KIF3A: variants seen among roughly 807,000 people sequenced by gnomAD.
KIF3A encodes the protein kinesin-like protein KIF3A.
KIF3A carries 27 observed loss-of-function variants against 92.6 expected under a neutral mutation model. That is an observed-to-expected ratio of 0.29 (90% CI 0.21 to 0.40). The LOEUF (loss-of-function observed/expected upper bound fraction) is 0.40, where lower values mean the gene tolerates loss of function less well. Among genes scored for constraint, KIF3A ranks in the 10% least tolerant of loss-of-function variants. The pLI is 1.00. For missense variants in KIF3A, 581 were observed against 872.6 expected, an observed-to-expected ratio of 0.67 and a Z score of 4.21; for synonymous variants, 250 against 275.4, an observed-to-expected ratio of 0.91 and a Z score of 0.92.
At chr5:132,718,398 C>T (rs372651005) in intron 5 of KIF3A, among the ~76,000 whole-genome samples, 313 of 152,268 alleles carry the variant, frequency 2.1e-3, no homozygotes, top group African/African-American at 7.1e-3. Context: ...CAACCTCCAC[C>T]TCCCAGGTTC....
intron 5 of KIF3A, among the ~76,000 whole-genome samples, 154 bp downstream of exon 5, chr5:132,720,455 C>A (rs2074529): frequency 0.58 from 88,611 of 151,934 alleles, 27,989 homozygotes; most frequent in Non-Finnish European, 0.73. Context: ...TTTCATTCAT[C>A]TATGCTCTCT....
chr5:132,700,389 G>T, intron 16 of KIF3A, 105 bp from the exon 17 acceptor site: 1 of 760,296 alleles, frequency 1.3e-6, no homozygotes, highest in Non-Finnish European at 2.2e-6. Flanking sequence ...AGTAAAACAT[G>T]ATTTGAATGC....
intron 2 of KIF3A, among the ~76,000 whole-genome samples, chr5:132,730,215 C>T (rs1021560747): frequency 2.6e-5 from 4 of 152,082 alleles, no homozygotes; most frequent in Non-Finnish European, 5.9e-5. Flanking sequence ...GCCTGTAATC[C>T]CAGCACTCCG....
chr5:132,698,020 T>G (rs1308990165), intron 18 of KIF3A: 1 of 152,238 alleles, frequency 6.6e-6, no homozygotes, highest in South Asian at 2.1e-4. Flanking sequence ...TGTGTTGGTA[T>G]AGGAAAGTTT....
intron 17 of KIF3A, 179 bp from the exon 18 acceptor site, chr5:132,699,474 G>GT (rs1752952866): frequency 1.5e-6 from 1 of 671,996 alleles, no homozygotes; most frequent in South Asian, 1.6e-5. Flanking sequence ...ATAAAGGTTG[G>GT]TGAGTAAGAA....
intron 18 of KIF3A, chr5:132,697,780 C>A (rs1364274234): frequency 6.6e-6 from 1 of 152,526 alleles, no homozygotes; most frequent in Admixed American, 6.5e-5. Context: ...AACAGAAGAT[C>A]CAGAAACAAT....
At chr5:132,715,712 G>T (rs1354578405) in intron 8 of KIF3A, 45 bp downstream of exon 8, 1 of 1,447,006 alleles carries the variant, frequency 6.9e-7, no homozygotes, top group Non-Finnish European at 9.6e-7. Flanking sequence ...GTTCAACAAT[G>T]TATTTTTAGC....
intron 4 of KIF3A, among the ~76,000 whole-genome samples, chr5:132,725,729 G>C (rs956291234): frequency 6.6e-6 from 1 of 152,154 alleles, no homozygotes; most frequent in East Asian, 1.9e-4. Flanking sequence ...CAAGAGCTCA[G>C]TAATGCTGGC....
intron 10 of KIF3A, 138 bp downstream of exon 10, chr5:132,708,769 C>T: frequency 1.8e-6 from 1 of 544,168 alleles, no homozygotes; most frequent in East Asian, 2.8e-5. Flanking sequence ...GAGGAATCAT[C>T]ACATGCTTTG....
At chr5:132,711,631 A>G (rs935736640) in intron 8 of KIF3A, among the ~76,000 whole-genome samples, 1 of 151,964 alleles carries the variant, frequency 6.6e-6, no homozygotes, top group Non-Finnish European at 1.5e-5. Context: ...CTTTATGTAT[A>G]ATTTTAAATA....
At chr5:132,699,952 G>C (rs568215526) in intron 17 of KIF3A, among the ~76,000 whole-genome samples, 50 of 152,246 alleles carry the variant, frequency 3.3e-4, no homozygotes, top group Middle Eastern at 3.4e-3. Flanking sequence ...CTACGACCCA[G>C]AGTGGTAGTG....
rs1027593280 is a variant in KIF3A at position 132,693,552 on chromosome 5, A to G, written c.*3082T>C. 1 of 152,794 alleles carries G rather than the reference A, an allele frequency of 6.5e-6. No homozygotes were observed. Among genetic ancestry groups the G allele is most frequent in the Admixed American group, 6.5e-5 (1 of 15,276 alleles). 9.5% of individuals were successfully genotyped at this position (152,794 alleles called of 1,614,324 possible). On this transcript the variant is annotated 3_prime_UTR_variant, in exon 19 of 19. Coordinates refer to ENST00000403231, the MANE Select transcript of KIF3A (RefSeq NM_001300791.2). ...TGTGTTCATCTATATCGTCTCACGA[A>G]ATTAACACTGACCTTACAACATATT...
Position 132,702,742 on chromosome 5 carries a change from A to T in KIF3A, c.1648-74T>A, listed in dbSNP as rs903148816. 7 of 1,320,342 alleles carry T rather than the reference A, an allele frequency of 5.3e-6. No individual in the cohort carries two copies. The Admixed American group carries it at 1.3e-4, about 25-fold the overall frequency. 81.8% of individuals were successfully genotyped at this position (1,320,342 alleles called of 1,614,324 possible). A position where few individuals can be genotyped will look rare whatever the true frequency, so the allele number is the denominator to read the frequency against. On this transcript the variant is annotated intron_variant, in intron 13 of 18. Transcript: ENST00000403231. ...AATATCTAATTCTTTAACAAATGACATAAATGTTTAGCAAATCTGATCTTC... is the reference window on the plus strand; with the variant it reads ...AATATCTAATTCTTTAACAAATGACTTAAATGTTTAGCAAATCTGATCTTC...
chr5:132,706,548 G>A, intron 10 of KIF3A, 89 bp from the exon 11 acceptor site: 1 of 1,069,584 alleles, frequency 9.3e-7, no homozygotes, highest in South Asian at 1.6e-5. Context: ...TATTTCTCTT[G>A]TGAAACAAAG....
chr5:132,706,398 T>A, intron 11 of KIF3A, 53 bp downstream of exon 11: 1 of 1,383,586 alleles, frequency 7.2e-7, no homozygotes, highest in Non-Finnish European at 9.7e-7. Flanking sequence ...ATAACATAGT[T>A]CTTTATAGGA....
At chr5:132,718,783 C>G (rs935267074) in intron 5 of KIF3A, among the ~76,000 whole-genome samples, 1 of 152,184 alleles carries the variant, frequency 6.6e-6, no homozygotes, top group Non-Finnish European at 1.5e-5. Flanking sequence ...TAAGCCACCA[C>G]GTCTGGCTGA....
chr5:132,705,617 T>C (rs183165976), intron 11 of KIF3A, among the ~76,000 whole-genome samples: 1 of 152,046 alleles, frequency 6.6e-6, no homozygotes, highest in Non-Finnish European at 1.5e-5. Flanking sequence ...AAACTGATAC[T>C]TTAGCAGCAA....
At chr5:132,725,522 A>G (rs1287331566) in intron 4 of KIF3A, among the ~76,000 whole-genome samples, 2 of 152,172 alleles carry the variant, frequency 1.3e-5, no homozygotes, top group Non-Finnish European at 2.9e-5. Context: ...CTAAGATGGT[A>G]GACTGCTAGA....
intron 8 of KIF3A, among the ~76,000 whole-genome samples, chr5:132,713,440 A>G (rs529528096): frequency 7.3e-4 from 111 of 152,224 alleles, no homozygotes; most frequent in Non-Finnish European, 1.0e-3. Flanking sequence ...CAAGTTGCAT[A>G]TAGCCTACAA....
Sources: gnomAD v4.1 joint callset for allele counts (sites outside exome capture counted in the v4.1 genomes callset) on GRCh38, gnomAD v4.1.1 for gene constraint, MANE v1.5 for transcripts, NCBI Gene and HGNC (gene_info 2026-07-23, HGNC 2026-07-21) for gene names.